CSMD2: variants seen among roughly 807,000 people sequenced by gnomAD.
The protein encoded by CSMD2 is CUB and sushi domain-containing protein 2.
In CSMD2, 130 loss-of-function variants were observed where a neutral mutation model predicts 398.5. That is an observed-to-expected ratio of 0.33 (90% CI 0.28 to 0.38). The LOEUF is 0.38. CSMD2 is among the 10% of genes least tolerant of loss of function. The probability of loss-of-function intolerance (pLI) is 1.00; values close to 1 mark genes in which losing one functional copy is unlikely to be tolerated. For missense variants in CSMD2, 3,829 were observed against 4,764.9 expected, an observed-to-expected ratio of 0.80 and a Z score of 5.78; for synonymous variants, 1,828 against 1,908.5, an observed-to-expected ratio of 0.96 and a Z score of 1.10.
intron 4 of CSMD2, among the ~76,000 whole-genome samples, chr1:33,922,741 C>T (rs1012635981): frequency 2.0e-5 from 3 of 152,094 alleles, no homozygotes; most frequent in Non-Finnish European, 2.9e-5. Context: ...CCACATCCAG[C>T]CAGGGACTCA....
intron 5 of CSMD2, among the ~76,000 whole-genome samples, chr1:33,894,870 C>T (rs1481294603): frequency 6.6e-6 from 1 of 152,150 alleles, no homozygotes; most frequent in Non-Finnish European, 1.5e-5. Flanking sequence ...CCATCTCCTG[C>T]AGGGCAAGTC....
intron 26 of CSMD2, among the ~76,000 whole-genome samples, chr1:33,659,105 G>C (rs1020393233): frequency 1.3e-5 from 2 of 152,178 alleles, no homozygotes; most frequent in Non-Finnish European, 2.9e-5. Flanking sequence ...AAAAATAGCT[G>C]AGATATATTA....
At chr1:33,771,171 C>T (rs916510907) in intron 13 of CSMD2, among the ~76,000 whole-genome samples, 5 of 152,192 alleles carry the variant, frequency 3.3e-5, no homozygotes, top group African/African-American at 1.2e-4. Context: ...AGAGATTAAG[C>T]CCCCATGGCA....
intron 5 of CSMD2, among the ~76,000 whole-genome samples, chr1:33,899,943 C>A (rs1228342030): frequency 6.6e-6 from 1 of 152,236 alleles, no homozygotes; most frequent in Admixed American, 6.5e-5. Context: ...CTGAAGCTGC[C>A]TCCCTGACTT....
intron 55 of CSMD2, among the ~76,000 whole-genome samples, 185 bp downstream of exon 55, chr1:33,557,549 A>C (rs899465826): frequency 6.6e-6 from 1 of 152,054 alleles, no homozygotes; most frequent in African/African-American, 2.4e-5. Context: ...ACAGAGGCTC[A>C]AGAAGGAATC....
At chr1:33,594,101 C>T (rs1021991697) in intron 44 of CSMD2, among the ~76,000 whole-genome samples, 1 of 152,104 alleles carries the variant, frequency 6.6e-6, no homozygotes, top group Admixed American at 6.5e-5. Context: ...GCTTTGAATC[C>T]ATATGTTCCA....
chr1:33,581,969 G>T (rs968602359), intron 47 of CSMD2, among the ~76,000 whole-genome samples: 2 of 152,202 alleles, frequency 1.3e-5, no homozygotes, highest in East Asian at 3.8e-4. Context: ...GCTGGGCTAG[G>T]TCTGCTGTGT....
intron 48 of CSMD2, 85 bp downstream of exon 48, chr1:33,580,668 G>C (rs1031762514): frequency 4.7e-6 from 7 of 1,477,876 alleles, no homozygotes; most frequent in Non-Finnish European, 6.5e-6. Context: ...GATTTAGGAG[G>C]GGAATGGCCG....
intron 3 of CSMD2, among the ~76,000 whole-genome samples, chr1:33,985,312 G>A (rs1356128621): frequency 6.6e-6 from 1 of 152,210 alleles, no homozygotes; most frequent in East Asian, 1.9e-4. Flanking sequence ...TAGGGGAGGC[G>A]AGAGTGAGAG....
chr1:33,873,093 A>T (rs1234598688), intron 5 of CSMD2, among the ~76,000 whole-genome samples: 1 of 152,182 alleles, frequency 6.6e-6, no homozygotes, highest in Non-Finnish European at 1.5e-5. Flanking sequence ...AAATCACCAA[A>T]TCTGTAGTAA....
intron 25 of CSMD2, among the ~76,000 whole-genome samples, chr1:33,667,242 C>T (rs1644347237): frequency 6.6e-6 from 1 of 152,086 alleles, no homozygotes; most frequent in Non-Finnish European, 1.5e-5. Context: ...CGAATGAAAC[C>T]CCAGTCTGAC....
At chr1:33,647,021 A>G (rs1571074150) in intron 28 of CSMD2, among the ~76,000 whole-genome samples, 186 bp from the exon 29 acceptor site, 1 of 152,312 alleles carries the variant, frequency 6.6e-6, no homozygotes, top group East Asian at 1.9e-4. Flanking sequence ...CAGTCAGGTG[A>G]GAAGATGGAA....
chr1:33,696,407 C>A (rs954702113), intron 24 of CSMD2, among the ~76,000 whole-genome samples: 1 of 152,178 alleles, frequency 6.6e-6, no homozygotes, highest in Non-Finnish European at 1.5e-5. Context: ...CTACAAGACC[C>A]TCTGCTCAAG....
chr1:34,119,585 A>C (rs779522144), intron 1 of CSMD2, among the ~76,000 whole-genome samples: 3 of 152,258 alleles, frequency 2.0e-5, no homozygotes, highest in Non-Finnish European at 4.4e-5. Context: ...CTGAATGAAT[A>C]ATCTGATTTT....
At chr1:33,610,023 C>T (rs1009052503) in intron 41 of CSMD2, among the ~76,000 whole-genome samples, 3 of 152,254 alleles carry the variant, frequency 2.0e-5, no homozygotes, top group African/African-American at 2.4e-5. Flanking sequence ...CATGTGAGGA[C>T]GCAGTGAGAA....
chr1:33,950,180 T>C (rs1644959349), intron 3 of CSMD2, among the ~76,000 whole-genome samples: 1 of 152,188 alleles, frequency 6.6e-6, no homozygotes, highest in South Asian at 2.1e-4. Context: ...GTCTTCAGAC[T>C]TGCCCCAATC....
At chr1:33,577,829 G>C (rs373842877) in intron 48 of CSMD2, among the ~76,000 whole-genome samples, 3 of 152,138 alleles carry the variant, frequency 2.0e-5, no homozygotes, top group African/African-American at 7.2e-5. Flanking sequence ...GAACCCAATG[G>C]GGTTGGTTCC....
At chr1:34,085,399 TAATA>T (rs1558359178) in intron 2 of CSMD2, among the ~76,000 whole-genome samples, 1 of 150,360 alleles carries the variant, frequency 6.7e-6, no homozygotes, top group East Asian at 1.9e-4. Context: ...ATAATAATAA[TAATA>T]AATAAATAAA....
At chr1:34,080,599 CAAAG>C (rs1184872150) in intron 2 of CSMD2, among the ~76,000 whole-genome samples, 1 of 151,730 alleles carries the variant, frequency 6.6e-6, no homozygotes, top group East Asian at 1.9e-4. Context: ...ACCCTAGAGT[CAAAG>C]AAAGAACAAA....
Sources: allele counts gnomAD v4.1 joint callset (sites outside exome capture counted in the v4.1 genomes callset), GRCh38; gene constraint gnomAD v4.1.1; transcripts MANE v1.5; gene names NCBI Gene and HGNC (gene_info 2026-07-23, HGNC 2026-07-21).